Variants in CACNB2 observed in about 807,000 individuals in gnomAD.
The protein encoded by CACNB2 is calcium voltage-gated channel auxiliary subunit beta 2, also known as voltage-dependent L-type calcium channel subunit beta-2.
CACNB2 carries 42 observed loss-of-function variants against 73.3 expected under a neutral mutation model. That is an observed-to-expected ratio of 0.57 (90% CI 0.45 to 0.74). The LOEUF (loss-of-function observed/expected upper bound fraction) is 0.74. CACNB2 is among the 30% of genes least tolerant of loss of function. The pLI, the probability that CACNB2 is intolerant of heterozygous loss-of-function variation, is 0.00. For synonymous variants in CACNB2, 348 were observed against 310.3 expected (o/e 1.12, Z -1.28); for missense variants, 940 against 853.0 (o/e 1.10, Z -1.27).
intron 2 of CACNB2, among the ~76,000 whole-genome samples, chr10:18,171,520 A>AG (rs201976718): frequency 0.04 from 3,942 of 99,090 alleles, 386 homozygotes; most frequent in East Asian, 0.18. Flanking sequence ...CTTTGATAGC[A>AG]GAAAAAAAAA....
chr10:18,513,486 C>T (rs1373124750), intron 6 of CACNB2: 2 of 289,246 alleles, frequency 6.9e-6, no homozygotes, highest in East Asian at 1.0e-4. Flanking sequence ...TCTTCAAGTC[C>T]CTCGTCTCCT....
intron 3 of CACNB2, among the ~76,000 whole-genome samples, chr10:18,479,522 T>C (rs1384794001): frequency 6.6e-6 from 1 of 152,170 alleles, no homozygotes. Context: ...GTACATGATA[T>C]GGTTTGGCTC....
intron 3 of CACNB2, among the ~76,000 whole-genome samples, chr10:18,477,110 T>C (rs891218420): frequency 1.3e-5 from 2 of 152,144 alleles, no homozygotes; most frequent in Admixed American, 6.5e-5. Context: ...CTTTTGTTAT[T>C]TGAGCGTGGA....
At chr10:18,385,309 C>A (rs2043179163) in intron 2 of CACNB2, among the ~76,000 whole-genome samples, 1 of 150,216 alleles carries the variant, frequency 6.7e-6, no homozygotes, top group African/African-American at 2.5e-5. Flanking sequence ...TGCCTTATCC[C>A]ACCTCCAGAG....
chr10:18,539,271 C>A lies in CACNB2; in HGVS notation c.1530C>A (p.Ile510=). ...GDQRTDRSAP[I]RSASQAEEEP... is the part of the protein sequence containing the mutation. ...AGAGGACTGATCGCTCCGCTCCTAT[C>A]CGTTCTGCTTCCCAAGCTGAAGAAG... Residue 510 remains isoleucine (I), a synonymous_variant, in exon 14 of 14, where the codon ATC becomes ATA. Transcript: ENST00000324631. 6.2e-7 allele frequency: 1 copy of A among 1,614,010 alleles called. No homozygotes were observed.
chr10:18,481,776 C>A (rs955902500), intron 3 of CACNB2, among the ~76,000 whole-genome samples: 1 of 152,128 alleles, frequency 6.6e-6, no homozygotes. Flanking sequence ...GTCTGGAGAG[C>A]TGAGAAGTTG....
At chr10:18,143,481 T>G (rs2030645648) in intron 1 of CACNB2, among the ~76,000 whole-genome samples, 1 of 152,208 alleles carries the variant, frequency 6.6e-6, no homozygotes, top group East Asian at 1.9e-4. Flanking sequence ...AAAAGCAAGT[T>G]TAAGAGATAT....
At position 18,534,094 on chromosome 10, in the gene CACNB2, T is replaced by G; in HGVS notation, c.1073T>G (p.Ile358Ser). The G allele has an allele frequency of 6.2e-7, 1 of 1,614,064 alleles. No individual in the cohort carries two copies. The highest frequency in any genetic ancestry group is 8.5e-7 in the Non-Finnish European group (1 of 1,179,960). ...RSSLAEVQSEIERIFELARTL... is the reference protein window; with the variant it reads ...RSSLAEVQSESERIFELARTL... ...TTTACAGCGGAAGTTCAGAGTGAAA[T>G]CGAAAGGATTTTTGAACTTGCAAGA... Residue 358 changes from isoleucine to serine, a missense_variant, in exon 11 of 14, where the codon ATC becomes AGC. Coordinates refer to ENST00000324631, the MANE Select transcript of CACNB2 (RefSeq NM_201596.3).
chr10:18,195,414 C>G (rs1023458792), intron 2 of CACNB2, among the ~76,000 whole-genome samples: 1 of 152,182 alleles, frequency 6.6e-6, no homozygotes, highest in Non-Finnish European at 1.5e-5. Context: ...TAATTGATCT[C>G]TCAGGGGGTA....
intron 6 of CACNB2, among the ~76,000 whole-genome samples, chr10:18,512,064 G>C (rs1225665134): frequency 6.6e-6 from 1 of 152,168 alleles, no homozygotes; most frequent in African/African-American, 2.4e-5. Context: ...GAAGGATTTT[G>C]TAAAATTTGA....
intron 2 of CACNB2, among the ~76,000 whole-genome samples, chr10:18,326,890 C>A (rs1338025640): frequency 6.6e-6 from 1 of 152,066 alleles, no homozygotes; most frequent in African/African-American, 2.4e-5. Context: ...CCATGCCCAG[C>A]AATTTTTTGT....
intron 2 of CACNB2, among the ~76,000 whole-genome samples, chr10:18,278,840 A>AC (rs1247934410): frequency 2.6e-5 from 4 of 151,868 alleles, no homozygotes; most frequent in Non-Finnish European, 4.4e-5. Flanking sequence ...ACATGATGAG[A>AC]CCCCTACTCT....
chr10:18,151,918 C>T (rs1269911801), intron 2 of CACNB2, among the ~76,000 whole-genome samples: 1 of 152,198 alleles, frequency 6.6e-6, no homozygotes, highest in Non-Finnish European at 1.5e-5. Context: ...CCGCTTGAGT[C>T]CATCATCATG....
At chr10:18,181,562 TTTTTATTTTATTTTATTTTA>T (rs147509760) in intron 2 of CACNB2, among the ~76,000 whole-genome samples, 11,942 of 113,538 alleles carry the variant, frequency 0.11, 833 homozygotes, top group African/African-American at 0.19. Context: ...GAGGATAACT[TTTTTATTTTATTTTATTTTA>T]TTTTATTTTA....
At chr10:18,535,862 TAAAG>T (rs2053521630) in intron 11 of CACNB2, among the ~76,000 whole-genome samples, 1 of 152,112 alleles carries the variant, frequency 6.6e-6, no homozygotes, top group Non-Finnish European at 1.5e-5. Context: ...TTAGCTTCTT[TAAAG>T]AGGTTGTGAG....
At chr10:18,376,806 A>G (rs1358626005) in intron 2 of CACNB2, among the ~76,000 whole-genome samples, 1 of 151,996 alleles carries the variant, frequency 6.6e-6, no homozygotes, top group Non-Finnish European at 1.5e-5. Context: ...CCGGTCAGGG[A>G]GGAGTTTGGA....
intron 2 of CACNB2, among the ~76,000 whole-genome samples, chr10:18,286,332 C>A (rs571488793): frequency 2.0e-5 from 3 of 151,764 alleles, no homozygotes; most frequent in South Asian, 4.1e-4. Context: ...CTGGCTAACA[C>A]GGTGAAACCC....
At chr10:18,212,603 G>T (rs2035362429) in intron 2 of CACNB2, among the ~76,000 whole-genome samples, 2 of 151,874 alleles carry the variant, frequency 1.3e-5, no homozygotes, top group African/African-American at 4.8e-5. Context: ...TTTTTTAAAT[G>T]TTTGCTTATT....
chr10:18,412,061 G>A (rs1482261135), intron 3 of CACNB2, among the ~76,000 whole-genome samples: 1 of 152,180 alleles, frequency 6.6e-6, no homozygotes, highest in African/African-American at 2.4e-5. Context: ...GCTGATAGCT[G>A]TCAGCATGTG....
Sources: allele counts gnomAD v4.1 joint callset (sites outside exome capture counted in the v4.1 genomes callset), GRCh38; gene constraint gnomAD v4.1.1; transcripts MANE v1.5; gene names NCBI Gene and HGNC (gene_info 2026-07-23, HGNC 2026-07-21).